Variants in TRAPPC12 observed in about 807,000 individuals in gnomAD.
TRAPPC12 encodes trafficking protein particle complex subunit 12.
In TRAPPC12, 61 loss-of-function variants were observed where a neutral mutation model predicts 69.2. That is an observed-to-expected ratio of 0.88 (90% CI 0.72 to 1.09). The LOEUF (loss-of-function observed/expected upper bound fraction) is 1.09. Among genes scored for constraint, TRAPPC12 ranks in the 50% least tolerant of loss-of-function variants. TRAPPC12 has a pLI of 0.00. For missense variants in TRAPPC12, 1,101 were observed against 1,016.4 expected, an observed-to-expected ratio of 1.08 and a Z score of -1.13; for synonymous variants, 469 against 438.9, an observed-to-expected ratio of 1.07 and a Z score of -0.86.
chr2:3,425,139 T>C (rs1022480868), intron 5 of TRAPPC12, among the ~76,000 whole-genome samples: 7 of 152,252 alleles, frequency 4.6e-5, no homozygotes, highest in Non-Finnish European at 1.0e-4. Flanking sequence ...GTCACGACCA[T>C]TGTTTGGAAA....
rs115767701 is a variant in TRAPPC12, at chr2:3,401,896, A to G, written c.1164+3A>G. The G allele has an allele frequency of 1.7e-3, 2,713 of 1,565,296 alleles. 39 individuals are homozygous for G. The African/African-American group carries it at 0.033, about 19-fold the overall frequency. On this transcript the variant is annotated splice_donor_region_variant and intron_variant, in intron 3 of 11. Transcript: ENST00000324266. The stretch of plus-strand genomic sequence containing the variant: ...TTGTTGGATTGAAACAGCTAATCGT[A>G]AGTGACAATGTGTTTGATTTCAGTG...
intron 6 of TRAPPC12, among the ~76,000 whole-genome samples, chr2:3,448,658 G>C (rs1334121699): frequency 7.1e-6 from 1 of 141,790 alleles, no homozygotes; most frequent in African/African-American, 3.0e-5. Flanking sequence ...GTGGAGAGCA[G>C]CCGGTTACGC....
At chr2:3,436,929 C>CCACCCCTGGATTAATCCCCCAAT (rs1663830644) in intron 5 of TRAPPC12, among the ~76,000 whole-genome samples, 2 of 115,894 alleles carry the variant, frequency 1.7e-5, no homozygotes, top group Non-Finnish European at 3.6e-5. Context: ...AATCCCCCCA[C>CCACCCCTGGATTAATCCCCCAAT]CACCCCTGGA....
chr2:3,438,501 CACCCCTGGATCAATCCCCCCA>C, intron 5 of TRAPPC12, among the ~76,000 whole-genome samples: 1 of 140,832 alleles, frequency 7.1e-6, no homozygotes, highest in Non-Finnish European at 1.6e-5. Flanking sequence ...AATCCCCCGC[CACCCCTGGATCAATCCCCCCA>C]ATCCCCCTGG....
chr2:3,474,775 T>C (rs1461755351), intron 9 of TRAPPC12, among the ~76,000 whole-genome samples: 1 of 152,260 alleles, frequency 6.6e-6, no homozygotes, highest in Admixed American at 6.5e-5. Flanking sequence ...TGGAATGATC[T>C]ATTCCCTGAA....
In TRAPPC12 at chr2:3,387,778, C is replaced by T; in HGVS notation, c.155C>T (p.Ser52Leu). 1 of 1,613,048 alleles carries T rather than the reference C, an allele frequency of 6.2e-7. No homozygotes were observed. The highest frequency in any genetic ancestry group is 1.7e-5 in the Admixed American group (1 of 59,958). The change falls in exon 2 of 12, where the codon TCG (serine) becomes TTG (leucine). Residue 52 changes from serine to leucine, a missense_variant. By Grantham distance (145) the Ser-to-Leu change is moderately radical (BLOSUM62 -2). Transcript: ENST00000324266. ...EFGSEENETA[S>L]EGSSPLADKL... ...GGATCCGAAGAGAACGAGACCGCATCGGAAGGCTCGAGTCCTCTCGCGGAC... is the reference window on the plus strand; with the variant it reads ...GGATCCGAAGAGAACGAGACCGCATTGGAAGGCTCGAGTCCTCTCGCGGAC...
At chr2:3,388,751 GAGA>G (rs1361585168) in intron 2 of TRAPPC12, 81 bp downstream of exon 2, 12 of 1,298,348 alleles carry the variant, frequency 9.2e-6, no homozygotes, top group Non-Finnish European at 1.1e-5. Context: ...TTTAGGGATG[GAGA>G]AGGAGAAGGC....
intron 5 of TRAPPC12, among the ~76,000 whole-genome samples, chr2:3,426,112 T>C (rs1163659304): frequency 6.6e-6 from 1 of 152,258 alleles, no homozygotes; most frequent in African/African-American, 2.4e-5. Context: ...GAGATTTTTA[T>C]CATTTTTAGT....
chr2:3,396,926 G>T (rs935853948), intron 2 of TRAPPC12, among the ~76,000 whole-genome samples: 2 of 152,128 alleles, frequency 1.3e-5, no homozygotes, highest in African/African-American at 4.8e-5. Flanking sequence ...GCTGAGGCAG[G>T]AGAATCACTG....
chr2:3,466,522 A>G, intron 9 of TRAPPC12: 1 of 402,066 alleles, frequency 2.5e-6, no homozygotes, highest in South Asian at 1.8e-5. Context: ...TGGGGAAGCT[A>G]GAATTTGAAC....
chr2:3,421,966 T>C lies in TRAPPC12; in HGVS notation c.1250T>C (p.Leu417Pro), dbSNP rs759742539. Residue 417 changes from leucine to proline, a missense_variant, in exon 4 of 12, where the codon CTC (leucine) becomes CCC (proline). Transcript: ENST00000324266. ...HGQGYGKSGLLTSHTTDSLQL... is the reference protein window; with the variant it reads ...HGQGYGKSGLPTSHTTDSLQL... ...CAGGGCTACGGCAAGAGCGGGCTGC[T>C]CACCAGCCACACGACAGATTCACTG... 22 of 1,613,022 alleles carry C rather than the reference T, an allele frequency of 1.4e-5. No individual in the cohort carries two copies. The African/African-American group carries it at 2.4e-4, about 18-fold the overall frequency.
rs1398029823 is a variant in TRAPPC12 at position 3,401,825 on chromosome 2, G to A, written c.1096G>A (p.Ala366Thr). The A allele has an allele frequency of 1.2e-6, 2 of 1,601,660 alleles. No individual in the cohort carries two copies. Among genetic ancestry groups the A allele is most frequent in the African/African-American group, 1.3e-5 (1 of 74,552 alleles). The change falls in exon 3 of 12, where the codon GCA (alanine) becomes ACA (threonine). Residue 366 changes from alanine to threonine, a missense_variant. Coordinates refer to ENST00000324266, the MANE Select transcript of TRAPPC12 (RefSeq NM_016030.6). ...GCTTCGCTTTCTGGGTGAAAAAGCT[G>A]CAGCAAAGAGACAAGTCCTAAATGC... ...LMLRFLGEKAAAKRQVLNADS... is the reference protein window; with the variant it reads ...LMLRFLGEKATAKRQVLNADS...
rs529432368 is a variant in TRAPPC12 at position 3,402,880 on chromosome 2, C to T, written c.1164+987C>T. On this transcript the variant is annotated intron_variant, in intron 3 of 11. Transcript: ENST00000324266. ...GAATTGCTCTGCTAGCTCATCCACA[C>T]GGTTGCCTAGAGTGGACTTAGCAAA... Among the ~76,000 whole-genome samples the T allele has an allele frequency of 1.1e-3, 167 of 152,286 alleles. 2 individuals are homozygous for T. The highest frequency in any genetic ancestry group is 3.8e-3 in the African/African-American group (159 of 41,566).
At chr2:3,426,816 G>A (rs950848982) in intron 5 of TRAPPC12, among the ~76,000 whole-genome samples, 3 of 152,240 alleles carry the variant, frequency 2.0e-5, no homozygotes, top group Admixed American at 1.3e-4. Flanking sequence ...GTTCCGTCCA[G>A]TCCGCACGTA....
intron 3 of TRAPPC12, among the ~76,000 whole-genome samples, chr2:3,408,013 G>A (rs533975458): frequency 2.4e-4 from 37 of 152,180 alleles, no homozygotes; most frequent in Non-Finnish European, 2.8e-4. Flanking sequence ...CCTCCTGGCC[G>A]GTCGTCCCCT....
At chr2:3,403,229 A>T (rs977600271) in intron 3 of TRAPPC12, among the ~76,000 whole-genome samples, 4 of 88,014 alleles carry the variant, frequency 4.5e-5, no homozygotes, top group African/African-American at 2.1e-4. Flanking sequence ...AGATTTCACC[A>T]ATTTTTTTTT....
intron 6 of TRAPPC12, chr2:3,457,016 C>A (rs977872466): frequency 2.2e-6 from 1 of 447,742 alleles, no homozygotes; most frequent in Non-Finnish European, 4.5e-6. Context: ...CATTCACTGT[C>A]GCCCCACGCC....
chr2:3,440,022 T>G (rs752023802), intron 5 of TRAPPC12, among the ~76,000 whole-genome samples: 57 of 152,204 alleles, frequency 3.7e-4, no homozygotes, highest in Admixed American at 2.2e-3. Context: ...ATTTCTTGTC[T>G]TTCTGCTCTG....
At chr2:3,469,735 C>T (rs1179542791) in intron 9 of TRAPPC12, among the ~76,000 whole-genome samples, 1 of 152,192 alleles carries the variant, frequency 6.6e-6, no homozygotes, top group Non-Finnish European at 1.5e-5. Context: ...TGCGGGGTTG[C>T]CCCTCCTGCA....
Sources: gnomAD v4.1 joint callset for allele counts (sites outside exome capture counted in the v4.1 genomes callset) on GRCh38, gnomAD v4.1.1 for gene constraint, MANE v1.5 for transcripts, NCBI Gene and HGNC (gene_info 2026-07-23, HGNC 2026-07-21) for gene names.